Variants in GRB2 observed in about 807,000 individuals in gnomAD.
The protein encoded by GRB2 is growth factor receptor-bound protein 2.
A neutral mutation model predicts 27.4 loss-of-function variants in GRB2; 2 were observed. The ratio of observed to expected loss-of-function variants is 0.07; its 90% CI spans 0.03 to 0.23. The LOEUF is 0.23. GRB2 is among the 10% of genes least tolerant of loss of function. The pLI, the probability that GRB2 is intolerant of heterozygous loss-of-function variation, is 1.00. For synonymous variants in GRB2, 94 were observed against 99.6 expected, an observed-to-expected ratio of 0.94 and a Z score of 0.33; for missense variants, 102 against 282.4, an observed-to-expected ratio of 0.36 and a Z score of 4.58.
intron 2 of GRB2, among the ~76,000 whole-genome samples, chr17:75,333,681 T>C (rs892699945): frequency 6.6e-6 from 1 of 152,100 alleles, no homozygotes; most frequent in African/African-American, 2.4e-5. Flanking sequence ...AGGACAACCA[T>C]ATGCCCTCGT....
At chr17:75,370,417 T>C (rs1158563575) in intron 2 of GRB2, among the ~76,000 whole-genome samples, 1 of 152,224 alleles carries the variant, frequency 6.6e-6, no homozygotes, top group African/African-American at 2.4e-5. Context: ...CTGACTTCAA[T>C]ATCTTGTTCG....
intron 2 of GRB2, among the ~76,000 whole-genome samples, chr17:75,374,350 G>C (rs948419579): frequency 7.0e-6 from 1 of 142,598 alleles, no homozygotes; most frequent in African/African-American, 2.6e-5. Context: ...GTTGCAGTGA[G>C]CTGAGATCGC....
At chr17:75,389,576 G>C (rs1427731523) in intron 2 of GRB2, among the ~76,000 whole-genome samples, 1 of 152,168 alleles carries the variant, frequency 6.6e-6, no homozygotes, top group Non-Finnish European at 1.5e-5. Flanking sequence ...GCCGGGCGCG[G>C]TGGCTCACGC....
At chr17:75,346,026 C>CTT in intron 2 of GRB2, among the ~76,000 whole-genome samples, 1 of 152,076 alleles carries the variant, frequency 6.6e-6, no homozygotes, top group East Asian at 1.9e-4. Flanking sequence ...CTCTGGCTGA[C>CTT]TGTGAGATGA....
At chr17:75,371,191 T>C (rs1290071898) in intron 2 of GRB2, 2 of 152,064 alleles carry the variant, frequency 1.3e-5, no homozygotes, top group Non-Finnish European at 2.9e-5. Flanking sequence ...TTAAGTATTC[T>C]TTAGATCGTA....
In GRB2 at chr17:75,392,427, A is replaced by G. The variant is rs567588884; in HGVS notation, c.78+1124T>C. On this transcript the variant is annotated intron_variant, in intron 2 of 5. Coordinates refer to ENST00000316804, the MANE Select transcript of GRB2 (RefSeq NM_002086.5). ...AAGAAATTACTGGGCAGTTAACTTCAGAGTAGAACTCTACGCCTTGGGCAA... is the reference window on the plus strand; with the variant it reads ...AAGAAATTACTGGGCAGTTAACTTCGGAGTAGAACTCTACGCCTTGGGCAA... 2.6e-5 allele frequency among the ~76,000 whole-genome samples: 4 copies of G among 152,358 alleles called. No individual in the cohort carries two copies. In the South Asian group the frequency reaches 8.3e-4, roughly 32 times the overall value.
intron 2 of GRB2, among the ~76,000 whole-genome samples, chr17:75,359,683 A>C (rs1034079788): frequency 3.9e-5 from 6 of 151,950 alleles, no homozygotes; most frequent in Non-Finnish European, 8.8e-5. Context: ...CACTAAAGCT[A>C]CCTGCGGTTT....
At chr17:75,332,306 G>C (rs1392241369) in intron 3 of GRB2, among the ~76,000 whole-genome samples, 1 of 152,068 alleles carries the variant, frequency 6.6e-6, no homozygotes, top group Non-Finnish European at 1.5e-5. Flanking sequence ...CCGTACTCTG[G>C]GGATACAAAG....
At chr17:75,358,253 G>A (rs913428926) in intron 2 of GRB2, among the ~76,000 whole-genome samples, 1 of 152,042 alleles carries the variant, frequency 6.6e-6, no homozygotes, top group African/African-American at 2.4e-5. Context: ...GTGGCCACAA[G>A]CCCTGTTAAA....
chr17:75,380,051 A>C (rs1444797962), intron 2 of GRB2, among the ~76,000 whole-genome samples: 1 of 152,232 alleles, frequency 6.6e-6, no homozygotes, highest in Non-Finnish European at 1.5e-5. Flanking sequence ...CAATTTGTTT[A>C]TTCGTAGAGA....
At chr17:75,401,351 A>C (rs1316144300) in intron 1 of GRB2, among the ~76,000 whole-genome samples, 1 of 148,988 alleles carries the variant, frequency 6.7e-6, no homozygotes, top group Non-Finnish European at 1.5e-5. Flanking sequence ...AGGCTGAGGC[A>C]GGAGAATGGC....
intron 2 of GRB2, among the ~76,000 whole-genome samples, chr17:75,355,608 T>TA (rs772895105): frequency 0.011 from 1,336 of 125,098 alleles, 20 homozygotes; most frequent in South Asian, 0.025. Flanking sequence ...CTGATGAGCT[T>TA]AAAAAAAAAA....
intron 1 of GRB2, among the ~76,000 whole-genome samples, chr17:75,401,020 T>G (rs1276714801): frequency 6.6e-6 from 1 of 150,834 alleles, no homozygotes; most frequent in Admixed American, 6.6e-5. Flanking sequence ...TAGAGTGCAG[T>G]GGTATGATCT....
chr17:75,380,029 C>G (rs1256845884), intron 2 of GRB2, among the ~76,000 whole-genome samples: 1 of 152,122 alleles, frequency 6.6e-6, no homozygotes, highest in Non-Finnish European at 1.5e-5. Context: ...ATAGCAAGAC[C>G]AGTTTTAGCG....
intron 4 of GRB2, among the ~76,000 whole-genome samples, chr17:75,323,059 C>T (rs1351448381): frequency 6.8e-6 from 1 of 148,116 alleles, no homozygotes; most frequent in Non-Finnish European, 1.5e-5. Context: ...GAGGAGCTTG[C>T]AGTGAGCCGA....
chr17:75,356,021 T>C (rs1172633112), intron 2 of GRB2, among the ~76,000 whole-genome samples: 2 of 151,690 alleles, frequency 1.3e-5, no homozygotes, highest in African/African-American at 2.4e-5. Flanking sequence ...TTTAGTAGAA[T>C]CAGGGTGTCA....
chr17:75,390,089 A>G (rs1266324549), intron 2 of GRB2, among the ~76,000 whole-genome samples: 2 of 152,198 alleles, frequency 1.3e-5, no homozygotes, highest in Non-Finnish European at 2.9e-5. Flanking sequence ...GGCAGTGCTG[A>G]GACAGAATGC....
chr17:75,381,936 T>A (rs551019720), intron 2 of GRB2, among the ~76,000 whole-genome samples: 3 of 151,834 alleles, frequency 2.0e-5, no homozygotes, highest in African/African-American at 7.2e-5. Flanking sequence ...GCCATTTTGT[T>A]AAACCTAGAT....
intron 2 of GRB2, chr17:75,370,980 G>A (rs910632637): frequency 6.6e-6 from 1 of 152,130 alleles, no homozygotes; most frequent in African/African-American, 2.4e-5. Flanking sequence ...AAAAACTAGT[G>A]GAAACTTGGA....
Sources: allele counts gnomAD v4.1 joint callset (sites outside exome capture counted in the v4.1 genomes callset), GRCh38; gene constraint gnomAD v4.1.1; transcripts MANE v1.5; gene names NCBI Gene and HGNC (gene_info 2026-07-23, HGNC 2026-07-21).